The following PKDCC variants were observed in gnomAD, a reference collection of about 807,000 sequenced individuals.
The protein encoded by PKDCC is protein kinase domain containing, cytoplasmic, also known as extracellular tyrosine-protein kinase PKDCC.
A neutral mutation model predicts 44.7 loss-of-function variants in PKDCC; 35 were observed. The ratio of observed to expected loss-of-function variants is 0.78; its 90% confidence interval spans 0.60 to 1.04. PKDCC has a LOEUF of 1.04. PKDCC is among the 50% of genes least tolerant of loss of function. PKDCC has a pLI of 0.00. For synonymous variants in PKDCC, 353 were observed against 303.3 expected (o/e 1.16, Z -1.70); for missense variants, 738 against 672.7 (o/e 1.10, Z -1.07).
chr2:42,057,671 G>A lies in PKDCC; in HGVS notation c.1465G>A (p.Val489Met), dbSNP rs747673825. The A allele has an allele frequency of 1.2e-6, 2 of 1,613,926 alleles. No individual in the cohort carries two copies. Among genetic ancestry groups the A allele is most frequent in the Admixed American group, 1.7e-5 (1 of 60,012 alleles). Residue 489 changes from valine to methionine, a missense_variant, in exon 7 of 7, where the codon GTG becomes ATG. Transcript: ENST00000294964. ...VVPDPNKTTY[V>M]KASG ...CCCTGATCCCAACAAGACCACATAT[G>A]TGAAGGCCTCTGGCTGACCTATCTG...
At chr2:42,056,358 C>A (rs1668057318) in intron 5 of PKDCC, among the ~76,000 whole-genome samples, 1 of 152,164 alleles carries the variant, frequency 6.6e-6, no homozygotes, top group South Asian at 2.1e-4. Flanking sequence ...AATGAGATCT[C>A]AGATTTTCCC....
intron 5 of PKDCC, among the ~76,000 whole-genome samples, chr2:42,056,213 G>A (rs1198172898): frequency 6.6e-6 from 1 of 152,106 alleles, no homozygotes; most frequent in Non-Finnish European, 1.5e-5. Flanking sequence ...GGTGGCCAGA[G>A]GCCCAGGGCT....
In PKDCC at chr2:42,055,255, C is replaced by A; in HGVS notation, c.1115-31C>A. 6.3e-7 allele frequency: 1 copy of A among 1,584,828 alleles called. No homozygotes were observed. The highest frequency in any genetic ancestry group is 8.6e-7 in the Non-Finnish European group (1 of 1,160,998). ...TTCAGGGAGGAGTGGGAGCCCCAGG[C>A]ATCCTGTCTTAGCCACACTGCACTC... is the stretch of plus-strand genomic sequence containing the variant. On this transcript the variant is annotated intron_variant, in intron 4 of 6. Coordinates refer to ENST00000294964, the MANE Select transcript of PKDCC (RefSeq NM_138370.3). The surrounding 1 kb of genome is among the most constrained non-coding windows in gnomAD (Gnocchi z 4.5).
chr2:42,055,834 G>C lies in PKDCC; in HGVS notation c.1222+441G>C, dbSNP rs1438281805. 6.6e-6 allele frequency among the ~76,000 whole-genome samples: 1 copy of C among 152,200 alleles called. No homozygotes were observed. The highest frequency in any genetic ancestry group is 2.4e-5 in the African/African-American group (1 of 41,448). On this transcript the variant is annotated intron_variant, in intron 5 of 6. Transcript: ENST00000294964. This position sits in a 1 kb window ranked among gnomAD's most constrained non-coding sequence, Gnocchi z 4.5. ...CACAGCTGGAACGCAGTATATGTTTGCTTCCCTTTCCTTCCTCTAACCTCC... is the reference window on the plus strand; with the variant it reads ...CACAGCTGGAACGCAGTATATGTTTCCTTCCCTTTCCTTCCTCTAACCTCC...
chr2:42,055,450 A>AC lies in PKDCC; in HGVS notation c.1222+61dup, dbSNP rs1668038672. 6 of 1,494,970 alleles carry AC rather than the reference A, an allele frequency of 4.0e-6. No individual in the cohort carries two copies. The highest frequency in any genetic ancestry group is 3.7e-5 in the Admixed American group (2 of 53,546). 92.6% of individuals were successfully genotyped at this position (1,494,970 alleles called of 1,614,324 possible). Reference sequence around the variant, plus strand: ...CAAGAAACAGGTGGGAGGGTGAATGACCCCGCCCAATTAGGCTAAGTGGCT... The same window carrying AC: ...CAAGAAACAGGTGGGAGGGTGAATGACCCCCGCCCAATTAGGCTAAGTGGCT... On this transcript the variant is annotated intron_variant, in intron 5 of 6. Coordinates refer to ENST00000294964, the MANE Select transcript of PKDCC (RefSeq NM_138370.3). This position sits in a 1 kb window ranked among gnomAD's most constrained non-coding sequence, Gnocchi z 4.5.
intron 1 of PKDCC, among the ~76,000 whole-genome samples, chr2:42,049,169 A>G (rs901895406): frequency 2.0e-5 from 3 of 152,210 alleles, no homozygotes; most frequent in African/African-American, 7.2e-5. Context: ...GTTGAACACC[A>G]GGGATATTAC....
In PKDCC at chr2:42,048,651, C is replaced by T. The variant is rs1667914020; in HGVS notation, c.452C>T (p.Ala151Val). 1.3e-6 allele frequency: 2 copies of T among 1,544,906 alleles called. No individual in the cohort carries two copies. The highest frequency in any genetic ancestry group is 1.7e-6 in the Non-Finnish European group (2 of 1,146,160). Residue 151 changes from alanine (A) to valine (V), a missense_variant, in exon 1 of 7, where the codon GCC (alanine) becomes GTC (valine). By Grantham distance (64) the Ala-to-Val change is moderately conservative. Coordinates refer to ENST00000294964, the MANE Select transcript of PKDCC (RefSeq NM_138370.3). This position sits in a 1 kb window ranked among gnomAD's most constrained non-coding sequence, Gnocchi z 6.2. ...AQYMGSGYTK[A>V]VYRVRLPGGA... ...TACATGGGCTCAGGCTACACCAAGG[C>T]CGTGTACCGGGTCCGCCTGCCCGGC...
Position 42,057,722 on chromosome 2 carries a change from C to A in PKDCC, c.*34C>A, listed in dbSNP as rs1195606448. ...AGGGCTCGGCTGACCAGCTGACTATCCTCAGCAGCTGGGCTTGCCTGTGGA... is the reference window on the plus strand; with the variant it reads ...AGGGCTCGGCTGACCAGCTGACTATACTCAGCAGCTGGGCTTGCCTGTGGA... On this transcript the variant is annotated 3_prime_UTR_variant, in exon 7 of 7. Coordinates refer to ENST00000294964, the MANE Select transcript of PKDCC (RefSeq NM_138370.3). 1 of 1,585,386 alleles carries A rather than the reference C, an allele frequency of 6.3e-7. No individual in the cohort carries two copies. Among genetic ancestry groups the A allele is most frequent in the Non-Finnish European group, 8.6e-7 (1 of 1,156,332 alleles).
rs1460757383 is a variant in PKDCC at position 42,052,336 on chromosome 2, G to C, written c.640-903G>C. On this transcript the variant is annotated intron_variant, in intron 1 of 6. Coordinates refer to ENST00000294964, the MANE Select transcript of PKDCC (RefSeq NM_138370.3). This position sits in a 1 kb window ranked among gnomAD's most constrained non-coding sequence, Gnocchi z 4.3. ...TTTCCTCCCTCAAGACCCACGCAGA[G>C]AAAATTGAAGCTGCCAGAAGGTAGA... 2.0e-5 allele frequency among the ~76,000 whole-genome samples: 3 copies of C among 152,264 alleles called. No homozygotes were observed. The East Asian group carries it at 5.8e-4, about 29-fold the overall frequency.
chr2:42,056,894 C>G (rs916603650), intron 5 of PKDCC, among the ~76,000 whole-genome samples: 1 of 152,220 alleles, frequency 6.6e-6, no homozygotes, highest in African/African-American at 2.4e-5. Context: ...CAGCAATTAG[C>G]CTAGACAGCT....
chr2:42,050,381 T>A (rs1667945397), intron 1 of PKDCC, among the ~76,000 whole-genome samples: 1 of 152,182 alleles, frequency 6.6e-6, no homozygotes, highest in Non-Finnish European at 1.5e-5. Context: ...CTTGAGTGAC[T>A]TAGCAGGACA....
Position 42,055,027 on chromosome 2 carries a change from T to G in PKDCC, c.1114+7T>G. On this transcript the variant is annotated splice_region_variant and intron_variant, in intron 4 of 6. Transcript: ENST00000294964. The surrounding 1 kb of genome is among the most constrained non-coding windows in gnomAD (Gnocchi z 4.5). ...AGCATCGTCAACGCCACAGGTGAGC[T>G]CTCCAGGGCCCATCTGCTTCCAGGC... is the stretch of plus-strand genomic sequence containing the variant. The G allele has an allele frequency of 6.2e-7, 1 of 1,612,476 alleles. No homozygotes were observed.
chr2:42,053,195 AC>A, intron 1 of PKDCC, 43 bp from the exon 2 acceptor site: 6 of 724,732 alleles, frequency 8.3e-6, no homozygotes, highest in African/African-American at 2.3e-5. Context: ...CCCTGTCCCC[AC>A]CCCCACCCTG....
intron 6 of PKDCC, 83 bp from the exon 7 acceptor site, chr2:42,057,520 C>G (rs1668077762): frequency 1.3e-6 from 2 of 1,557,888 alleles, no homozygotes; most frequent in Admixed American, 1.8e-5. Context: ...TACGTGTCTT[C>G]AAGGCAGTCA....
Position 42,057,922 on chromosome 2 carries a change from G to C in PKDCC, c.*234G>C. Reference sequence around the variant, plus strand: ...GGCTCCTAGTCCAGGAATCATGGGGGTATGACTGCCTCTCCAACCCTGTGG... The same window carrying C: ...GGCTCCTAGTCCAGGAATCATGGGGCTATGACTGCCTCTCCAACCCTGTGG... On this transcript the variant is annotated 3_prime_UTR_variant, in exon 7 of 7. Transcript: ENST00000294964. The C allele has an allele frequency of 3.6e-6, 2 of 551,154 alleles. No homozygotes were observed. Among genetic ancestry groups the C allele is most frequent in the South Asian group, 4.4e-5 (2 of 45,008 alleles). 34.1% of individuals were successfully genotyped at this position (551,154 alleles called of 1,614,324 possible).
chr2:42,051,979 G>A lies in PKDCC; in HGVS notation c.640-1260G>A, dbSNP rs971333989. On this transcript the variant is annotated intron_variant, in intron 1 of 6. Coordinates refer to ENST00000294964, the MANE Select transcript of PKDCC (RefSeq NM_138370.3). The surrounding 1 kb of genome is among the most constrained non-coding windows in gnomAD (Gnocchi z 4.2). ...AGCCTTCGTGTTTCTACCCCACAGG[G>A]TGCTGGTTGTTTTGAGCACCATACG... is the stretch of plus-strand genomic sequence containing the variant. Among the ~76,000 whole-genome samples, 3 of 152,122 alleles carry A rather than the reference G, an allele frequency of 2.0e-5. No homozygotes were observed. The highest frequency in any genetic ancestry group is 4.8e-5 in the African/African-American group (2 of 41,396).
In PKDCC at chr2:42,054,785, C is replaced by A. The variant is rs1668025617; in HGVS notation, c.1035-156C>A. On this transcript the variant is annotated intron_variant, in intron 3 of 6. Coordinates refer to ENST00000294964, the MANE Select transcript of PKDCC (RefSeq NM_138370.3). This position sits in a 1 kb window ranked among gnomAD's most constrained non-coding sequence, Gnocchi z 6.1. The stretch of plus-strand genomic sequence containing the variant: ...TGTTAGCATGTGCCCAGAACCCTCC[C>A]CCGAGGCTGAGTAGACTTCACTGCG... 1 of 743,530 alleles carries A rather than the reference C, an allele frequency of 1.3e-6. No homozygotes were observed. Among genetic ancestry groups the A allele is most frequent in the South Asian group, 1.6e-5 (1 of 63,424 alleles). The allele number at this position is 743,530 out of a possible 1,614,324, so 46.1% of individuals were successfully genotyped here. A position where few individuals can be genotyped will look rare whatever the true frequency, so the allele number is the denominator to read the frequency against.
chr2:42,048,994 C>T lies in PKDCC; in HGVS notation c.639+156C>T, dbSNP rs1470725502. 1.3e-5 allele frequency among the ~76,000 whole-genome samples: 2 copies of T among 152,112 alleles called. No individual in the cohort carries two copies. The highest frequency in any genetic ancestry group is 2.9e-5 in the Non-Finnish European group (2 of 68,018). ...CGGACCATGGCCCTTCCCACTGCAC[C>T]ACCCTGCTTCTCACTCCTGGGTGGG... On this transcript the variant is annotated intron_variant, in intron 1 of 6. Coordinates refer to ENST00000294964, the MANE Select transcript of PKDCC (RefSeq NM_138370.3). This position sits in a 1 kb window ranked among gnomAD's most constrained non-coding sequence, Gnocchi z 6.2.
chr2:42,056,041 G>C (rs1668047899), intron 5 of PKDCC, among the ~76,000 whole-genome samples: 1 of 152,158 alleles, frequency 6.6e-6, no homozygotes, highest in Admixed American at 6.5e-5. Context: ...AAGGAGTTCT[G>C]GCTAGTCTTA....
Sources: allele counts gnomAD v4.1 joint callset (sites outside exome capture counted in the v4.1 genomes callset), GRCh38; gene constraint gnomAD v4.1.1; non-coding constraint Gnocchi (gnomAD v3.1); transcripts MANE v1.5; gene names NCBI Gene and HGNC (gene_info 2026-07-23, HGNC 2026-07-21).